Variants in LDLRAD3 observed in about 807,000 individuals in gnomAD.
The protein encoded by LDLRAD3 is low density lipoprotein receptor class A domain containing 3.
LDLRAD3 carries 20 observed loss-of-function variants against 29.4 expected under a neutral mutation model. That is an observed-to-expected ratio of 0.68 (90% CI 0.48 to 0.99). The LOEUF (loss-of-function observed/expected upper bound fraction) is 0.99. Ranked by LOEUF, LDLRAD3 falls within the 50% of genes least tolerant of loss-of-function variation. LDLRAD3 has a pLI of 0.00. For synonymous variants in LDLRAD3, 157 were observed against 192.7 expected (o/e 0.81, Z 1.53); for missense variants, 420 against 454.3 (o/e 0.92, Z 0.69).
At chr11:36,157,217 A>G (rs1854366856) in intron 4 of LDLRAD3, among the ~76,000 whole-genome samples, 1 of 152,196 alleles carries the variant, frequency 6.6e-6, no homozygotes. Flanking sequence ...TGCACCCCCG[A>G]AACCATCATA....
intron 4 of LDLRAD3, among the ~76,000 whole-genome samples, chr11:36,120,082 T>C (rs1853731746): frequency 6.6e-6 from 1 of 152,210 alleles, no homozygotes; most frequent in Non-Finnish European, 1.5e-5. Context: ...GAAAATGTTA[T>C]TTTTTCCCTC....
At chr11:35,988,368 T>C (rs928210437) in intron 1 of LDLRAD3, among the ~76,000 whole-genome samples, 2 of 152,138 alleles carry the variant, frequency 1.3e-5, no homozygotes, top group Admixed American at 1.3e-4. Context: ...CTGTATGTCT[T>C]CTTTTGAGAA....
At chr11:36,006,368 C>T (rs1397509880) in intron 1 of LDLRAD3, among the ~76,000 whole-genome samples, 1 of 152,154 alleles carries the variant, frequency 6.6e-6, no homozygotes, top group Admixed American at 6.5e-5. Context: ...CTTAAGGGTG[C>T]AGTCAAGGGG....
intron 2 of LDLRAD3, among the ~76,000 whole-genome samples, chr11:36,069,706 C>T (rs1852863306): frequency 6.6e-6 from 1 of 151,948 alleles, no homozygotes; most frequent in Non-Finnish European, 1.5e-5. Flanking sequence ...TTCATACTGA[C>T]CTCCTTTCAG....
intron 4 of LDLRAD3, among the ~76,000 whole-genome samples, chr11:36,145,375 G>A (rs1182717189): frequency 3.1e-5 from 3 of 98,330 alleles, no homozygotes; most frequent in Non-Finnish European, 6.2e-5. Context: ...CCGTCTGGGA[G>A]GGAGGTGGGG....
rs535933728 is a variant in LDLRAD3 at position 36,118,675 on chromosome 11, A to G, written c.454+20214A>G. 3.3e-5 allele frequency among the ~76,000 whole-genome samples: 5 copies of G among 152,332 alleles called. No homozygotes were observed. In the South Asian group the frequency reaches 8.3e-4, roughly 25 times the overall value. ...TATTTTGTTTTAGGGTTTTTTTAAC[A>G]GCTTTATTTAGATGTAATTAATATA... On this transcript the variant is annotated intron_variant, in intron 4 of 5. Coordinates refer to ENST00000315571, the MANE Select transcript of LDLRAD3 (RefSeq NM_174902.4).
chr11:36,088,319 C>G (rs1292680977), intron 3 of LDLRAD3, among the ~76,000 whole-genome samples: 1 of 152,126 alleles, frequency 6.6e-6, no homozygotes, highest in Non-Finnish European at 1.5e-5. Context: ...GCTCTCACCC[C>G]AGTCCTCATT....
chr11:36,013,657 A>C (rs1234668253), intron 1 of LDLRAD3, among the ~76,000 whole-genome samples: 2 of 152,090 alleles, frequency 1.3e-5, no homozygotes, highest in East Asian at 3.9e-4. Context: ...TTATGGCTGC[A>C]TAGTATTCCA....
At chr11:36,205,031 C>T (rs1368354153) in intron 4 of LDLRAD3, among the ~76,000 whole-genome samples, 1 of 152,168 alleles carries the variant, frequency 6.6e-6, no homozygotes, top group Non-Finnish European at 1.5e-5. Context: ...GGTTCTTCCT[C>T]CTCTTCATTT....
chr11:36,117,991 T>G (rs1853698309), intron 4 of LDLRAD3, among the ~76,000 whole-genome samples: 1 of 152,148 alleles, frequency 6.6e-6, no homozygotes, highest in Non-Finnish European at 1.5e-5. Context: ...CTAGTTATAG[T>G]GATCCTTAAC....
intron 3 of LDLRAD3, among the ~76,000 whole-genome samples, chr11:36,092,598 T>C (rs1277650368): frequency 6.6e-6 from 1 of 152,204 alleles, no homozygotes; most frequent in Non-Finnish European, 1.5e-5. Flanking sequence ...TTTTTAGCTT[T>C]TGGAATTCTT....
At chr11:36,050,213 T>A in intron 2 of LDLRAD3, among the ~76,000 whole-genome samples, 1 of 152,230 alleles carries the variant, frequency 6.6e-6, no homozygotes, top group East Asian at 1.9e-4. Flanking sequence ...CTCAGCTGTT[T>A]TGAACATTTT....
rs571875412 is a variant in LDLRAD3 at position 36,231,299 on chromosome 11, A to AAAAG, written c.*1922_*1925dup. 2.3e-4 allele frequency: 35 copies of AAAAG among 152,250 alleles called. No homozygotes were observed. The highest frequency in any genetic ancestry group is 5.3e-4 in the African/African-American group (22 of 41,562). The allele number at this position is 152,250 out of a possible 1,614,324, so 9.4% of individuals were successfully genotyped here. On this transcript the variant is annotated 3_prime_UTR_variant, in exon 6 of 6. Coordinates refer to ENST00000315571, the MANE Select transcript of LDLRAD3 (RefSeq NM_174902.4). ...TGGTATTTTGTTTTGTTTAAAAAAA[A>AAAAG]AAAGAAAGAAAGAAAGAAAGAAAAA...
chr11:36,038,255 G>A (rs1193929677), intron 2 of LDLRAD3, among the ~76,000 whole-genome samples: 1 of 152,060 alleles, frequency 6.6e-6, no homozygotes, highest in Non-Finnish European at 1.5e-5. Flanking sequence ...GCTTTTCTCT[G>A]TTTCTAACAT....
At chr11:35,992,608 T>G (rs1470566186) in intron 1 of LDLRAD3, among the ~76,000 whole-genome samples, 1 of 152,196 alleles carries the variant, frequency 6.6e-6, no homozygotes, top group Non-Finnish European at 1.5e-5. Flanking sequence ...AGACCACATA[T>G]TGTATCATTC....
chr11:36,066,890 C>G (rs1177259265), intron 2 of LDLRAD3, among the ~76,000 whole-genome samples: 1 of 152,202 alleles, frequency 6.6e-6, no homozygotes, highest in African/African-American at 2.4e-5. Context: ...TGACTCATCA[C>G]TTTCCTTTAG....
rs1159507959 is a variant in LDLRAD3, at chr11:35,965,517, G to T, written c.46+21373G>T. 3.9e-5 allele frequency among the ~76,000 whole-genome samples: 6 copies of T among 152,166 alleles called. No homozygotes were observed. In the East Asian group the frequency reaches 1.2e-3, roughly 29 times the overall value. ...GAGGGTGTAGGTAATTTGTTTTCAG[G>T]TATGTGGGTATTTAGGGTTTCAGGA... On this transcript the variant is annotated intron_variant, in intron 1 of 5. Coordinates refer to ENST00000315571, the MANE Select transcript of LDLRAD3 (RefSeq NM_174902.4).
intron 1 of LDLRAD3, among the ~76,000 whole-genome samples, chr11:35,973,761 G>A (rs1034842875): frequency 3.9e-5 from 6 of 151,982 alleles, no homozygotes; most frequent in Non-Finnish European, 7.4e-5. Flanking sequence ...GTGAGTCACC[G>A]TGCCCAATCA....
At chr11:36,052,375 G>A (rs189697775) in intron 2 of LDLRAD3, among the ~76,000 whole-genome samples, 7 of 152,310 alleles carry the variant, frequency 4.6e-5, no homozygotes, top group Non-Finnish European at 8.8e-5. Flanking sequence ...CATGAGAGGA[G>A]ATGACTTTAT....
Sources: gnomAD v4.1 joint callset for allele counts (sites outside exome capture counted in the v4.1 genomes callset) on GRCh38, gnomAD v4.1.1 for gene constraint, MANE v1.5 for transcripts, NCBI Gene and HGNC (gene_info 2026-07-23, HGNC 2026-07-21) for gene names.